MGAT3: variants seen among roughly 807,000 people sequenced by gnomAD.
The protein encoded by MGAT3 is GlcNAc-T III.
A neutral mutation model predicts 29.8 loss-of-function variants in MGAT3; 9 were observed. The observed-to-expected ratio is 0.30, with a 90% confidence interval of 0.18 to 0.53. The LOEUF (loss-of-function observed/expected upper bound fraction) is 0.53, where lower values mean the gene tolerates loss of function less well. Ranked by LOEUF, MGAT3 falls within the 20% of genes least tolerant of loss-of-function variation. The pLI, the probability that MGAT3 is intolerant of heterozygous loss-of-function variation, is 0.96. For missense variants in MGAT3, 557 were observed against 769.5 expected, an observed-to-expected ratio of 0.72 and a Z score of 3.27; for synonymous variants, 397 against 348.9, an observed-to-expected ratio of 1.14 and a Z score of -1.54.
chr22:39,481,333 GCCCGTTA>G (rs1012906184), intron 1 of MGAT3, among the ~76,000 whole-genome samples: 2 of 152,210 alleles, frequency 1.3e-5, no homozygotes, highest in African/African-American at 4.8e-5. Flanking sequence ...ACTCGCTCCT[GCCCGTTA>G]CCCGCTTTGT....
chr22:39,458,355 C>G (rs1601715134), intron 1 of MGAT3, among the ~76,000 whole-genome samples: 1 of 152,070 alleles, frequency 6.6e-6, no homozygotes, highest in African/African-American at 2.4e-5. Flanking sequence ...GGAAGATGCC[C>G]CTGAAGGCCC....
chr22:39,466,611 C>A (rs1395043347), intron 1 of MGAT3, among the ~76,000 whole-genome samples: 4 of 152,330 alleles, frequency 2.6e-5, no homozygotes, highest in Middle Eastern at 3.4e-3. Flanking sequence ...CCCCTTCCAG[C>A]CCAGCTGCTG....
chr22:39,460,641 T>A (rs1454952754), intron 1 of MGAT3, among the ~76,000 whole-genome samples: 1 of 152,136 alleles, frequency 6.6e-6, no homozygotes, highest in East Asian at 1.9e-4. Flanking sequence ...GTACTAAAAA[T>A]ACAAAAATTA....
intron 1 of MGAT3, among the ~76,000 whole-genome samples, chr22:39,481,241 C>T (rs1450641296): frequency 6.6e-6 from 1 of 152,208 alleles, no homozygotes; most frequent in Non-Finnish European, 1.5e-5. Flanking sequence ...CCCTGGCGCC[C>T]TCTCCTGCGT....
In MGAT3 at chr22:39,474,909, G is replaced by A. The variant is rs192368337; in HGVS notation, c.-1-12438G>A. 5.1e-3 allele frequency among the ~76,000 whole-genome samples: 773 copies of A among 152,234 alleles called. 4 individuals carry two copies. Among genetic ancestry groups the A allele is most frequent in the Non-Finnish European group, 6.0e-3 (408 of 68,018 alleles). ...CATATGCACCACTAGCCCCGGCTGGGACATCCGCCCTCTGCTCCCTGATAA... is the reference window on the plus strand; with the variant it reads ...CATATGCACCACTAGCCCCGGCTGGAACATCCGCCCTCTGCTCCCTGATAA... On this transcript the variant is annotated intron_variant, in intron 1 of 1. Coordinates refer to ENST00000341184, the MANE Select transcript of MGAT3 (RefSeq NM_002409.5).
intron 1 of MGAT3, among the ~76,000 whole-genome samples, chr22:39,478,774 G>C (rs747172418): frequency 3.3e-5 from 5 of 152,206 alleles, no homozygotes; most frequent in Non-Finnish European, 2.9e-5. Flanking sequence ...GGCTCCACCT[G>C]AGTCCTGACT....
intron 1 of MGAT3, among the ~76,000 whole-genome samples, chr22:39,469,959 C>T (rs1451246483): frequency 6.6e-6 from 1 of 152,250 alleles, no homozygotes; most frequent in African/African-American, 2.4e-5. Flanking sequence ...GCCTGCACCC[C>T]CAAACCGGAG....
At chr22:39,479,734 C>T (rs1460516211) in intron 1 of MGAT3, among the ~76,000 whole-genome samples, 1 of 152,258 alleles carries the variant, frequency 6.6e-6, no homozygotes, top group African/African-American at 2.4e-5. Context: ...GCTTAACCTG[C>T]ACAAGGCCAC....
chr22:39,467,616 G>A (rs1426749847), intron 1 of MGAT3, among the ~76,000 whole-genome samples: 1 of 152,152 alleles, frequency 6.6e-6, no homozygotes, highest in African/African-American at 2.4e-5. Context: ...CTGTGATGGA[G>A]AGCTAGCTTG....
At position 39,488,188 on chromosome 22, in the gene MGAT3, G is replaced by A. The variant is rs1408868361; in HGVS notation, c.841G>A (p.Gly281Ser). The A allele has an allele frequency of 6.2e-7, 1 of 1,612,990 alleles. No homozygotes were observed. The highest frequency in any genetic ancestry group is 1.7e-5 in the Admixed American group (1 of 60,026). ...CTTCCTGGACCACTTCCCGCCCGGCGGCCGGCAGGACGGCTGGATCGCCGA... is the reference window on the plus strand; with the variant it reads ...CTTCCTGGACCACTTCCCGCCCGGCAGCCGGCAGGACGGCTGGATCGCCGA... ...YVFLDHFPPGGRQDGWIADDY... is the reference protein window; with the variant it reads ...YVFLDHFPPGSRQDGWIADDY... The change falls in exon 2 of 2, where the codon GGC (glycine) becomes AGC (serine). Residue 281 changes from glycine (G) to serine (S), a missense_variant. Transcript: ENST00000341184.
chr22:39,466,981 A>G (rs1385211285), intron 1 of MGAT3, among the ~76,000 whole-genome samples: 2 of 152,136 alleles, frequency 1.3e-5, no homozygotes, highest in Non-Finnish European at 1.5e-5. Flanking sequence ...CTAAGTGCCT[A>G]TTGTGCGCCG....
intron 1 of MGAT3, among the ~76,000 whole-genome samples, chr22:39,479,858 G>A (rs1929074875): frequency 6.6e-6 from 1 of 152,196 alleles, no homozygotes; most frequent in African/African-American, 2.4e-5. Context: ...TTGAGCACCT[G>A]CTGTGTACAT....
Position 39,471,244 on chromosome 22 carries a change from C to T in MGAT3, c.-2+13687C>T, listed in dbSNP as rs1042135584. On this transcript the variant is annotated intron_variant, in intron 1 of 1. Coordinates refer to ENST00000341184, the MANE Select transcript of MGAT3 (RefSeq NM_002409.5). ...TCCAGATGGTCTGGGGCAGTTTGTT[C>T]GGGCCTGTAAGGCTGAGTGGGCTGG... Among the ~76,000 whole-genome samples, 8 of 152,172 alleles carry T rather than the reference C, an allele frequency of 5.3e-5. No individual in the cohort carries two copies. In the East Asian group the frequency reaches 5.8e-4, roughly 11 times the overall value.
At chr22:39,461,826 C>T (rs762008400) in intron 1 of MGAT3, among the ~76,000 whole-genome samples, 7 of 152,148 alleles carry the variant, frequency 4.6e-5, no homozygotes, top group Non-Finnish European at 8.8e-5. Flanking sequence ...CTATGGCAGC[C>T]AGTGACAGAG....
At chr22:39,474,485 G>T (rs1050429241) in intron 1 of MGAT3, among the ~76,000 whole-genome samples, 5 of 152,172 alleles carry the variant, frequency 3.3e-5, no homozygotes, top group African/African-American at 1.2e-4. Context: ...GTGTGCCTGT[G>T]GGGGTGGAAT....
intron 1 of MGAT3, among the ~76,000 whole-genome samples, chr22:39,467,576 A>G (rs1425560877): frequency 6.6e-6 from 1 of 152,200 alleles, no homozygotes; most frequent in African/African-American, 2.4e-5. Flanking sequence ...CAGTGTCCCA[A>G]AGAGGAGACA....
At chr22:39,467,698 T>C (rs1928690756) in intron 1 of MGAT3, among the ~76,000 whole-genome samples, 1 of 151,232 alleles carries the variant, frequency 6.6e-6, no homozygotes, top group South Asian at 2.1e-4. Flanking sequence ...TTCTTTTCTT[T>C]CAGACAGAGT....
intron 1 of MGAT3, among the ~76,000 whole-genome samples, chr22:39,475,246 G>A (rs897556499): frequency 6.6e-6 from 1 of 151,396 alleles, no homozygotes; most frequent in African/African-American, 2.4e-5. Flanking sequence ...TTTTTTGGGG[G>A]CGAGTCCCTG....
intron 1 of MGAT3, among the ~76,000 whole-genome samples, chr22:39,458,927 T>C: frequency 6.6e-6 from 1 of 152,144 alleles, no homozygotes; most frequent in Non-Finnish European, 1.5e-5. Context: ...GAGCTGGCAC[T>C]TGGTCCTGAG....
Sources: allele counts gnomAD v4.1 joint callset (sites outside exome capture counted in the v4.1 genomes callset), GRCh38; gene constraint gnomAD v4.1.1; transcripts MANE v1.5; gene names NCBI Gene and HGNC (gene_info 2026-07-23, HGNC 2026-07-21).